The following CSMD1 variants were observed in gnomAD, a reference collection of about 807,000 sequenced individuals.
CSMD1 encodes the protein CUB and Sushi multiple domains 1, also known as CUB and sushi domain-containing protein 1.
A neutral mutation model predicts 417.5 loss-of-function variants in CSMD1; 213 were observed. The ratio of observed to expected loss-of-function variants is 0.51; its 90% confidence interval spans 0.46 to 0.57. The LOEUF (loss-of-function observed/expected upper bound fraction) is 0.57, where lower values mean the gene tolerates loss of function less well. CSMD1 is among the 20% of genes least tolerant of loss of function. CSMD1 has a pLI of 0.00. For missense variants in CSMD1, 6,923 were observed against 4,529.7 expected, an observed-to-expected ratio of 1.53 and a Z score of -15.17; for synonymous variants, 2,862 against 1,736.8, an observed-to-expected ratio of 1.65 and a Z score of -16.11.
intron 5 of CSMD1, among the ~76,000 whole-genome samples, chr8:3,764,329 T>G (rs1285694934): frequency 1.3e-5 from 2 of 152,196 alleles, no homozygotes; most frequent in Non-Finnish European, 2.9e-5. Context: ...CTGAGTGTAC[T>G]TGTGCTCCCT....
At position 4,980,056 on chromosome 8, in the gene CSMD1, A is replaced by T. The variant is rs145102010; in HGVS notation, c.85+14276T>A. ...CATCCCAAAAAATAAATAAATAAAT[A>T]AATTAAATAGTTAACACAATGTTAT... On this transcript the variant is annotated intron_variant, in intron 1 of 69. Coordinates refer to ENST00000635120, the MANE Select transcript of CSMD1 (RefSeq NM_033225.6). 3.3e-4 allele frequency among the ~76,000 whole-genome samples: 50 copies of T among 152,266 alleles called. 1 individual carries two copies. Among genetic ancestry groups the T allele is most frequent in the South Asian group, 1.5e-3 (7 of 4,820 alleles).
chr8:4,077,376 A>G (rs1387009157), intron 3 of CSMD1, among the ~76,000 whole-genome samples: 2 of 147,208 alleles, frequency 1.4e-5, no homozygotes, highest in South Asian at 2.1e-4. Flanking sequence ...GTATCTTTTA[A>G]TGGTTCCTCA....
intron 3 of CSMD1, among the ~76,000 whole-genome samples, chr8:4,355,785 T>C (rs1022632183): frequency 3.3e-5 from 5 of 152,138 alleles, no homozygotes; most frequent in African/African-American, 7.2e-5. Context: ...ATGGGTAACA[T>C]GTGCTACTAA....
At chr8:3,749,461 G>C (rs895893701) in intron 6 of CSMD1, among the ~76,000 whole-genome samples, 1 of 152,118 alleles carries the variant, frequency 6.6e-6, no homozygotes, top group Non-Finnish European at 1.5e-5. Context: ...TAATTGGAGA[G>C]GTGAAAGTCA....
At chr8:3,460,493 G>C (rs1314202794) in intron 12 of CSMD1, among the ~76,000 whole-genome samples, 1 of 152,054 alleles carries the variant, frequency 6.6e-6, no homozygotes, top group Non-Finnish European at 1.5e-5. Flanking sequence ...ATTCTGACTG[G>C]ACCCCTGTGT....
chr8:3,126,461 G>C (rs1231843349), intron 41 of CSMD1, among the ~76,000 whole-genome samples: 1 of 152,072 alleles, frequency 6.6e-6, no homozygotes, highest in South Asian at 2.1e-4. Flanking sequence ...TTTACATCAA[G>C]GTGTACACTG....
At chr8:3,105,580 A>C (rs1816077663) in intron 46 of CSMD1, among the ~76,000 whole-genome samples, 1 of 152,350 alleles carries the variant, frequency 6.6e-6, no homozygotes, top group Admixed American at 6.5e-5. Flanking sequence ...AAATCAACAG[A>C]TTCAGCCTCA....
chr8:4,280,069 A>T, intron 3 of CSMD1, among the ~76,000 whole-genome samples: 1 of 152,248 alleles, frequency 6.6e-6, no homozygotes, highest in Non-Finnish European at 1.5e-5. Context: ...AGCGTTAACT[A>T]ACGCGTTGAA....
At chr8:3,560,311 G>A (rs1799415077) in intron 10 of CSMD1, among the ~76,000 whole-genome samples, 2 of 152,104 alleles carry the variant, frequency 1.3e-5, no homozygotes, top group African/African-American at 4.8e-5. Flanking sequence ...GAGAAACACA[G>A]AAATGATACC....
intron 3 of CSMD1, among the ~76,000 whole-genome samples, chr8:4,058,107 C>A (rs1798791908): frequency 1.3e-5 from 2 of 152,132 alleles, no homozygotes; most frequent in South Asian, 2.1e-4. Flanking sequence ...GGCATTGAAT[C>A]TATAAATTAC....
intron 5 of CSMD1, among the ~76,000 whole-genome samples, chr8:3,994,629 A>G (rs2130311435): frequency 6.6e-6 from 1 of 152,230 alleles, no homozygotes; most frequent in South Asian, 2.1e-4. Context: ...TAGTTAAAAA[A>G]AAAAGTCAGT....
intron 21 of CSMD1, among the ~76,000 whole-genome samples, chr8:3,350,195 TA>T: frequency 8.0e-6 from 1 of 124,396 alleles, no homozygotes; most frequent in African/African-American, 3.5e-5. Flanking sequence ...ATAACTTGTG[TA>T]TGTGTGTGTT....
chr8:3,200,533 C>T (rs1440923522), intron 32 of CSMD1, among the ~76,000 whole-genome samples: 1 of 150,400 alleles, frequency 6.6e-6, no homozygotes, highest in Non-Finnish European at 1.5e-5. Context: ...CTAGCCTGGG[C>T]AAGAGAGTGA....
At chr8:3,293,081 T>A (rs561693309) in intron 25 of CSMD1, among the ~76,000 whole-genome samples, 1 of 152,162 alleles carries the variant, frequency 6.6e-6, no homozygotes, top group Non-Finnish European at 1.5e-5. Flanking sequence ...CTCCTTCACT[T>A]ATGAAGCTTA....
At chr8:3,562,519 T>C (rs1799514996) in intron 10 of CSMD1, among the ~76,000 whole-genome samples, 1 of 152,058 alleles carries the variant, frequency 6.6e-6, no homozygotes, top group Non-Finnish European at 1.5e-5. Flanking sequence ...CAATCCAAAA[T>C]TTATTTTAGC....
intron 1 of CSMD1, among the ~76,000 whole-genome samples, chr8:4,876,011 A>T (rs1224323564): frequency 1.3e-5 from 2 of 152,068 alleles, no homozygotes; most frequent in African/African-American, 4.8e-5. Flanking sequence ...AAAGAGTAAA[A>T]AGTTAGAATT....
intron 1 of CSMD1, among the ~76,000 whole-genome samples, chr8:4,960,780 A>G (rs1038850157): frequency 6.6e-6 from 1 of 152,210 alleles, no homozygotes; most frequent in African/African-American, 2.4e-5. Context: ...CATCTAAGCA[A>G]GAACAGATGA....
chr8:3,743,287 C>G (rs902960868), intron 6 of CSMD1, among the ~76,000 whole-genome samples: 5 of 152,240 alleles, frequency 3.3e-5, no homozygotes, highest in East Asian at 1.9e-4. Context: ...GAAGCGAATT[C>G]TGCCTCTCTG....
chr8:4,373,792 A>T (rs556980546), intron 3 of CSMD1, among the ~76,000 whole-genome samples: 1 of 152,254 alleles, frequency 6.6e-6, no homozygotes, highest in South Asian at 2.1e-4. Flanking sequence ...TCTTTGATAA[A>T]TTTGTTATAG....
Sources: gnomAD v4.1 joint callset for allele counts (sites outside exome capture counted in the v4.1 genomes callset) on GRCh38, gnomAD v4.1.1 for gene constraint, MANE v1.5 for transcripts, NCBI Gene and HGNC (gene_info 2026-07-23, HGNC 2026-07-21) for gene names.